The following RUNX1 variants were observed in gnomAD, a reference collection of about 807,000 sequenced individuals.
RUNX1 encodes the protein runt-related transcription factor 1.
In RUNX1, 19 loss-of-function variants were observed where a neutral mutation model predicts 42.8. The ratio of observed to expected loss-of-function variants is 0.44; its 90% CI spans 0.31 to 0.65. The LOEUF (loss-of-function observed/expected upper bound fraction) is 0.65, where lower values mean the gene tolerates loss of function less well. Ranked by LOEUF, RUNX1 falls within the 30% of genes least tolerant of loss-of-function variation. The probability of loss-of-function intolerance (pLI) is 0.07; values close to 1 mark genes in which losing one functional copy is unlikely to be tolerated. For synonymous variants in RUNX1, 271 were observed against 289.4 expected (o/e 0.94, Z 0.64); for missense variants, 528 against 672.0 (o/e 0.79, Z 2.37).
At chr21:34,946,089 A>G (rs974903879) in intron 2 of RUNX1, among the ~76,000 whole-genome samples, 1 of 152,056 alleles carries the variant, frequency 6.6e-6, no homozygotes, top group Non-Finnish European at 1.5e-5. Context: ...TGACTGTCCC[A>G]CTTTTAGTTA....
At chr21:34,879,320 C>T (rs1407496936) in intron 5 of RUNX1, among the ~76,000 whole-genome samples, 1 of 152,132 alleles carries the variant, frequency 6.6e-6, no homozygotes, top group African/African-American at 2.4e-5. Context: ...TAATATAGTA[C>T]TATGAATATA....
chr21:35,036,214 C>T (rs1283820698), intron 2 of RUNX1, among the ~76,000 whole-genome samples: 3 of 152,300 alleles, frequency 2.0e-5, no homozygotes, highest in Non-Finnish European at 4.4e-5. Flanking sequence ...TTTTTACTTT[C>T]CTGTTAATTG....
At chr21:35,034,253 T>C (rs9980210) in intron 2 of RUNX1, among the ~76,000 whole-genome samples, 53,733 of 151,790 alleles carry the variant, frequency 0.35, 9,857 homozygotes, top group African/African-American at 0.4. Context: ...TGGCAAGCCT[T>C]TGTTGCGCCA....
intron 8 of RUNX1, among the ~76,000 whole-genome samples, chr21:34,794,769 G>A (rs2056501885): frequency 6.6e-6 from 1 of 152,162 alleles, no homozygotes; most frequent in Non-Finnish European, 1.5e-5. Flanking sequence ...TTGACATTTT[G>A]GGCCAGATCA....
chr21:34,976,922 C>T (rs910008612), intron 2 of RUNX1, among the ~76,000 whole-genome samples: 1 of 152,070 alleles, frequency 6.6e-6, no homozygotes, highest in Non-Finnish European at 1.5e-5. Context: ...TGAGCATCAA[C>T]ATAGTATGCC....
At chr21:34,943,681 A>G (rs1362001408) in intron 2 of RUNX1, among the ~76,000 whole-genome samples, 1 of 152,190 alleles carries the variant, frequency 6.6e-6, no homozygotes, top group East Asian at 1.9e-4. Context: ...AGAGACTCAG[A>G]GATAAATAAA....
intron 2 of RUNX1, among the ~76,000 whole-genome samples, chr21:34,918,067 G>A (rs548949750): frequency 2.0e-5 from 3 of 147,284 alleles, no homozygotes; most frequent in Non-Finnish European, 3.0e-5. Flanking sequence ...GGCGGAGATT[G>A]CAGTGAGCTG....
chr21:34,849,845 C>A (rs2057392440), intron 6 of RUNX1, among the ~76,000 whole-genome samples: 2 of 151,554 alleles, frequency 1.3e-5, no homozygotes, highest in South Asian at 4.2e-4. Context: ...AATTGCCTAT[C>A]AGCTCAAATG....
At chr21:34,797,353 T>C (rs2056544277) in intron 8 of RUNX1, among the ~76,000 whole-genome samples, 3 of 152,336 alleles carry the variant, frequency 2.0e-5, no homozygotes, top group Non-Finnish European at 1.5e-5. Context: ...ATATGGGACT[T>C]TGGAGTGCAC....
At chr21:34,936,584 T>A (rs764189514) in intron 2 of RUNX1, among the ~76,000 whole-genome samples, 12 of 152,288 alleles carry the variant, frequency 7.9e-5, no homozygotes, top group Non-Finnish European at 1.2e-4. Flanking sequence ...AGGTGTGGCA[T>A]CTCATCTAAT....
intron 2 of RUNX1, among the ~76,000 whole-genome samples, chr21:34,976,755 T>A (rs2058804875): frequency 6.6e-6 from 1 of 152,216 alleles, no homozygotes; most frequent in South Asian, 2.1e-4. Context: ...CCATGATCAG[T>A]TACATGTTGG....
intron 2 of RUNX1, among the ~76,000 whole-genome samples, chr21:35,014,783 G>A (rs1237210627): frequency 2.0e-5 from 3 of 152,222 alleles, no homozygotes; most frequent in Non-Finnish European, 2.9e-5. Context: ...CGAGGCAGCC[G>A]TTTACTCTTG....
At chr21:34,930,270 G>GTGTATATATATATATATATATATATATA (rs372412304) in intron 2 of RUNX1, among the ~76,000 whole-genome samples, 3 of 123,038 alleles carry the variant, frequency 2.4e-5, no homozygotes, top group African/African-American at 1.1e-4. Flanking sequence ...GTGTGTGTAT[G>GTGTATATATATATATATATATATATATA]TATATATATA....
intron 2 of RUNX1, among the ~76,000 whole-genome samples, chr21:34,905,965 TC>T (rs2058214884): frequency 6.6e-6 from 1 of 152,236 alleles, no homozygotes; most frequent in Admixed American, 6.5e-5. Flanking sequence ...ACATAACTCC[TC>T]TATAGCAACC....
rs142483544 is a variant in RUNX1 at position 35,045,436 on chromosome 21, C to T, written c.58+3406G>A. On this transcript the variant is annotated intron_variant, in intron 2 of 8. Transcript: ENST00000675419. ...TAACCCCAAGGTGCTCATAATTTGACACTATTTGGACATAGGGTTTTAAAA... is the reference window on the plus strand; with the variant it reads ...TAACCCCAAGGTGCTCATAATTTGATACTATTTGGACATAGGGTTTTAAAA... Among the ~76,000 whole-genome samples, 3 of 152,268 alleles carry T rather than the reference C, an allele frequency of 2.0e-5. No homozygotes were observed. In the East Asian group the frequency reaches 5.8e-4, roughly 29 times the overall value.
chr21:35,014,705 C>T, intron 2 of RUNX1, among the ~76,000 whole-genome samples: 1 of 152,244 alleles, frequency 6.6e-6, no homozygotes, highest in South Asian at 2.1e-4. Context: ...GAGCTTCCTC[C>T]ATGGGCACTG....
At chr21:34,970,922 TG>T (rs576009683) in intron 2 of RUNX1, among the ~76,000 whole-genome samples, 123 of 152,350 alleles carry the variant, frequency 8.1e-4, no homozygotes, top group African/African-American at 2.8e-3. Context: ...TAGATAAGTT[TG>T]GATTGCAGTA....
At chr21:34,861,204 C>A (rs958987748) in intron 5 of RUNX1, among the ~76,000 whole-genome samples, 1 of 152,146 alleles carries the variant, frequency 6.6e-6, no homozygotes, top group Non-Finnish European at 1.5e-5. Flanking sequence ...TGTTATCAGG[C>A]GACACTCTGG....
chr21:34,834,628 G>T, intron 6 of RUNX1, 27 bp from the exon 7 acceptor site: 1 of 1,512,198 alleles, frequency 6.6e-7, no homozygotes. Flanking sequence ...GGAGGGGAGG[G>T]GATGGGGGGA....
Sources: gnomAD v4.1 joint callset for allele counts (sites outside exome capture counted in the v4.1 genomes callset) on GRCh38, gnomAD v4.1.1 for gene constraint, MANE v1.5 for transcripts, NCBI Gene and HGNC (gene_info 2026-07-23, HGNC 2026-07-21) for gene names.